JUP: variants seen among roughly 807,000 people sequenced by gnomAD.
JUP encodes the protein junction plakoglobin.
In JUP, 28 loss-of-function variants were observed where a neutral mutation model predicts 71.1. The ratio of observed to expected loss-of-function variants is 0.39; its 90% CI spans 0.29 to 0.54. The LOEUF (loss-of-function observed/expected upper bound fraction) is 0.54. Ranked by LOEUF, JUP falls within the 20% of genes least tolerant of loss-of-function variation. JUP has a pLI of 0.62. For missense variants in JUP, 869 were observed against 1,030.1 expected (o/e 0.84, Z 2.14); for synonymous variants, 401 against 438.9 (o/e 0.91, Z 1.08).
Position 41,754,844 on chromosome 17 carries a change from A to C in JUP, c.*900T>G. 6.5e-6 allele frequency: 1 copy of C among 153,380 alleles called. No homozygotes were observed. The highest frequency in any genetic ancestry group is 1.5e-5 in the Non-Finnish European group (1 of 68,574). 9.5% of individuals were successfully genotyped at this position (153,380 alleles called of 1,614,324 possible). A position where few individuals can be genotyped will look rare whatever the true frequency, so the allele number is the denominator to read the frequency against. ...GCTAGGGCAGCTGTGTGGGTGGGAC[A>C]GGGGTGTGAGGAAGCTGTCCCCAGA... On this transcript the variant is annotated 3_prime_UTR_variant, in exon 14 of 14. Transcript: ENST00000393931.
intron 8 of JUP, among the ~76,000 whole-genome samples, chr17:41,761,347 G>A (rs2143515703): frequency 6.6e-6 from 1 of 152,314 alleles, no homozygotes; most frequent in East Asian, 1.9e-4. Context: ...GGTGTGAGCA[G>A]GAGTGATGTG....
At chr17:41,783,012 G>C (rs1405223039) in intron 1 of JUP, among the ~76,000 whole-genome samples, 1 of 151,194 alleles carries the variant, frequency 6.6e-6, no homozygotes, top group East Asian at 1.9e-4. Flanking sequence ...CAGGAGAATC[G>C]CTTGAACCCA....
At chr17:41,765,159 G>C in intron 5 of JUP, 92 bp from the exon 6 acceptor site, 1 of 1,273,954 alleles carries the variant, frequency 7.8e-7, no homozygotes, top group Non-Finnish European at 1.1e-6. Context: ...TCATTACTGA[G>C]CTTCAGCTAA....
At chr17:41,779,231 C>T (rs1252595924) in intron 1 of JUP, among the ~76,000 whole-genome samples, 3 of 146,664 alleles carry the variant, frequency 2.0e-5, no homozygotes, top group African/African-American at 5.0e-5. Flanking sequence ...AGCAAAACTC[C>T]GTCTCAAAAA....
chr17:41,780,453 G>A (rs1291702133), intron 1 of JUP, among the ~76,000 whole-genome samples: 4 of 151,948 alleles, frequency 2.6e-5, no homozygotes, highest in African/African-American at 9.7e-5. Flanking sequence ...CAGCACTTTG[G>A]GAGGCTGAGG....
At position 41,766,677 on chromosome 17, in the gene JUP, A is replaced by G. The variant is rs371424934; in HGVS notation, c.909+702T>C. On this transcript the variant is annotated intron_variant, in intron 5 of 13. Coordinates refer to ENST00000393931, the MANE Select transcript of JUP (RefSeq NM_002230.4). The stretch of plus-strand genomic sequence containing the variant: ...CGAGACCAGCCTGGCCAATGTGGTG[A>G]AACCTTGTCTCTACTAAAAATACAA... Among the ~76,000 whole-genome samples, 15 of 152,230 alleles carry G rather than the reference A, an allele frequency of 9.9e-5. No individual in the cohort carries two copies. The East Asian group carries it at 1.7e-3, about 18-fold the overall frequency.
chr17:41,771,311 C>T (rs576348899), intron 2 of JUP: 3 of 365,364 alleles, frequency 8.2e-6, no homozygotes, highest in South Asian at 7.9e-5. Flanking sequence ...GGATTACAGG[C>T]ATGAGCCACC....
chr17:41,761,702 G>A (rs149039453), intron 8 of JUP, among the ~76,000 whole-genome samples: 8,498 of 147,104 alleles, frequency 0.058, 330 homozygotes, highest in Non-Finnish European at 0.088. Flanking sequence ...GCAGTAAGCC[G>A]AGATCGCACC....
At chr17:41,766,311 GGA>G (rs200837846) in intron 5 of JUP, among the ~76,000 whole-genome samples, 1,439 of 140,448 alleles carry the variant, frequency 0.01, 14 homozygotes, top group East Asian at 0.05. Flanking sequence ...GAGAGGGAAA[GGA>G]AAAGGAAAAG....
rs1915913926 is a variant in JUP, at chr17:41,767,472, C to G, written c.816G>C (p.Lys272Asn). 1 of 1,613,872 alleles carries G rather than the reference C, an allele frequency of 6.2e-7. No individual in the cohort carries two copies. Among genetic ancestry groups the G allele is most frequent in the Non-Finnish European group, 8.5e-7 (1 of 1,179,908 alleles). The change falls in exon 5 of 14, where the codon AAG becomes AAC. Residue 272 changes from lysine (K) to asparagine (N), a missense_variant. Coordinates refer to ENST00000393931, the MANE Select transcript of JUP (RefSeq NM_002230.4). The stretch of plus-strand genomic sequence containing the variant: ...TGTTCTTGTTGAGCAGGGGCACCAT[C>G]TTTTGCAGCCCGTCGGCCAGGCGCA... The part of the protein sequence containing the change: ...MAVRLADGLQ[K>N]MVPLLNKNNP...
At chr17:41,766,354 G>GGAAAAAGGAAAGGGGAGGGGGAAAA (rs1567814372) in intron 5 of JUP, among the ~76,000 whole-genome samples, 1 of 151,530 alleles carries the variant, frequency 6.6e-6, no homozygotes, top group Non-Finnish European at 1.5e-5. Flanking sequence ...GAGGGGGAAA[G>GGAAAAAGGAAAGGGGAGGGGGAAAA]GGGAAAGGAA....
At chr17:41,772,735 C>A (rs1378328226) in intron 1 of JUP, 13 of 903,514 alleles carry the variant, frequency 1.4e-5, no homozygotes, top group African/African-American at 1.3e-4. Flanking sequence ...CGAGCCCAGG[C>A]TAGGGATCTG....
chr17:41,782,621 G>T (rs956141443), intron 1 of JUP, among the ~76,000 whole-genome samples: 1 of 152,124 alleles, frequency 6.6e-6, no homozygotes, highest in Admixed American at 6.6e-5. Flanking sequence ...CACAGCCCTG[G>T]CCTTGGGGAG....
chr17:41,757,435 C>A lies in JUP; in HGVS notation c.2026G>T (p.Asp676Tyr). ...CTCACAGCCTCCCAGGCAGCCGGGT[C>A]ATGCTTGAAGAGGGAGTTGGTGAGC... ...VELTNSLFKH[D>Y]PAAWEAAQSM... Residue 676 changes from aspartate (D) to tyrosine (Y), a missense_variant, in exon 12 of 14, where the codon GAC (aspartate) becomes TAC (tyrosine). Physicochemically the swap from Asp to Tyr is radical, Grantham distance 160. Transcript: ENST00000393931. 1 of 1,614,250 alleles carries A rather than the reference C, an allele frequency of 6.2e-7. No homozygotes were observed. The highest frequency in any genetic ancestry group is 8.5e-7 in the Non-Finnish European group (1 of 1,180,052).
intron 3 of JUP, 40 bp from the exon 4 acceptor site, chr17:41,769,247 G>A (rs782496436): frequency 6.3e-7 from 1 of 1,584,816 alleles, no homozygotes. Flanking sequence ...GAGCACTAAG[G>A]AGAGGCCGGG....
At position 41,757,171 on chromosome 17, in the gene JUP, G is replaced by A. The variant is rs546704272; in HGVS notation, c.2046+244C>T. Among the ~76,000 whole-genome samples the A allele has an allele frequency of 7.9e-5, 12 of 152,184 alleles. No individual in the cohort carries two copies. The South Asian group carries it at 2.3e-3, about 29-fold the overall frequency. On this transcript the variant is annotated intron_variant, in intron 12 of 13. Coordinates refer to ENST00000393931, the MANE Select transcript of JUP (RefSeq NM_002230.4). The stretch of plus-strand genomic sequence containing the variant: ...CCCATAGCCTATCCAGCACCTCCAC[G>A]CAAATTACAAAAAGGCACCCCCACC...
rs1051420183 is a variant in JUP, at chr17:41,782,095, C to A, written c.-9+4493G>T. Among the ~76,000 whole-genome samples, 19 of 152,192 alleles carry A rather than the reference C, an allele frequency of 1.2e-4. 1 individual carries two copies. The highest frequency in any genetic ancestry group is 4.3e-4 in the African/African-American group (18 of 41,450). On this transcript the variant is annotated intron_variant, in intron 1 of 13. Transcript: ENST00000393931. ...GACAGGTTCAGTACTCCGGCTGCAC[C>A]ATCACATAAAGAGAACCCATTTCCC... is the stretch of plus-strand genomic sequence containing the variant.
intron 2 of JUP, among the ~76,000 whole-genome samples, chr17:41,770,584 G>C (rs1270693166): frequency 6.6e-6 from 1 of 152,164 alleles, no homozygotes; most frequent in African/African-American, 2.4e-5. Flanking sequence ...CGAGGGCTGA[G>C]CTCCATAGAG....
In JUP at chr17:41,758,488, C is replaced by T. The variant is rs1392081639; in HGVS notation, c.1684G>A (p.Gly562Ser). 3.7e-6 allele frequency: 6 copies of T among 1,613,464 alleles called. No homozygotes were observed. The highest frequency in any genetic ancestry group is 5.1e-6 in the Non-Finnish European group (6 of 1,179,628). ...AGGATGTGCAGTGCTCCGGTGCAGC[C>T]CTCCACAATCTCCTCCATCCTCACA... ...DGVRMEEIVE[G>S]CTGALHILAR... Residue 562 changes from glycine (G) to serine (S), a missense_variant, in exon 10 of 14, where the codon GGC becomes AGC. Physicochemically the swap from Gly to Ser is moderately conservative, Grantham distance 56. Transcript: ENST00000393931.
Sources: gnomAD v4.1 joint callset for allele counts (sites outside exome capture counted in the v4.1 genomes callset) on GRCh38, gnomAD v4.1.1 for gene constraint, MANE v1.5 for transcripts, NCBI Gene and HGNC (gene_info 2026-07-23, HGNC 2026-07-21) for gene names.